UGGT2: variants seen among roughly 807,000 people sequenced by gnomAD.
UGGT2 encodes the protein UDP-glucose:glycoprotein glucosyltransferase 2.
A neutral mutation model predicts 192.1 loss-of-function variants in UGGT2; 180 were observed. The observed-to-expected ratio is 0.94, with a 90% confidence interval of 0.83 to 1.06. The LOEUF (loss-of-function observed/expected upper bound fraction) is 1.06. Among genes scored for constraint, UGGT2 ranks in the 50% least tolerant of loss-of-function variants. The pLI is 0.00. For missense variants in UGGT2, 1,849 were observed against 1,795.7 expected (o/e 1.03, Z -0.54); for synonymous variants, 580 against 591.0 (o/e 0.98, Z 0.27).
intron 30 of UGGT2, among the ~76,000 whole-genome samples, chr13:95,864,399 A>G (rs1890448920): frequency 6.6e-6 from 1 of 152,206 alleles, no homozygotes; most frequent in Non-Finnish European, 1.5e-5. Context: ...ATGACAATGT[A>G]AAGATTAACC....
chr13:96,030,633 A>T (rs1298800872), intron 2 of UGGT2, among the ~76,000 whole-genome samples: 1 of 152,198 alleles, frequency 6.6e-6, no homozygotes, highest in Non-Finnish European at 1.5e-5. Context: ...TTACATTTAC[A>T]CTCAGGAACA....
At chr13:96,044,043 C>T (rs2053238690) in intron 1 of UGGT2, among the ~76,000 whole-genome samples, 1 of 152,072 alleles carries the variant, frequency 6.6e-6, no homozygotes, top group Non-Finnish European at 1.5e-5. Flanking sequence ...ACATTCTACC[C>T]AACAACCACA....
At chr13:96,033,561 C>T (rs951228981) in intron 1 of UGGT2, among the ~76,000 whole-genome samples, 3 of 152,200 alleles carry the variant, frequency 2.0e-5, no homozygotes, top group Admixed American at 6.5e-5. Context: ...TGGACCAACG[C>T]ATCCCTGCAC....
chr13:95,877,926 A>ATCAC, intron 27 of UGGT2, 70 bp from the exon 28 acceptor site: 1 of 1,453,218 alleles, frequency 6.9e-7, no homozygotes, highest in Non-Finnish European at 9.2e-7. Context: ...GAAATAAATA[A>ATCAC]ATGTGATTAT....
intron 17 of UGGT2, among the ~76,000 whole-genome samples, 197 bp from the exon 18 acceptor site, chr13:95,927,533 T>G (rs1338778618): frequency 6.6e-6 from 1 of 151,782 alleles, no homozygotes; most frequent in African/African-American, 2.4e-5. Context: ...TCTCAGGTGT[T>G]GGCAATTTCA....
chr13:96,002,158 C>G (rs1341221635), intron 5 of UGGT2, among the ~76,000 whole-genome samples: 1 of 152,192 alleles, frequency 6.6e-6, no homozygotes, highest in South Asian at 2.1e-4. Flanking sequence ...GTATCTCCCA[C>G]TCCCGTTCCT....
chr13:95,992,379 T>C (rs2051485564), intron 7 of UGGT2, among the ~76,000 whole-genome samples: 1 of 152,202 alleles, frequency 6.6e-6, no homozygotes, highest in African/African-American at 2.4e-5. Flanking sequence ...AGCAGTGTTT[T>C]GTAGTTCTTG....
At chr13:95,920,020 C>A (rs1320653436) in intron 20 of UGGT2, among the ~76,000 whole-genome samples, 1 of 152,064 alleles carries the variant, frequency 6.6e-6, no homozygotes, top group African/African-American at 2.4e-5. Flanking sequence ...ACCAATGGAA[C>A]AGAACAGAGA....
chr13:95,885,599 G>A (rs1170208101), intron 26 of UGGT2, among the ~76,000 whole-genome samples: 1 of 152,144 alleles, frequency 6.6e-6, no homozygotes, highest in Non-Finnish European at 1.5e-5. Flanking sequence ...CAAATCACTA[G>A]GTCTAGCTCT....
At chr13:95,932,591 C>T (rs753226965) in intron 17 of UGGT2, among the ~76,000 whole-genome samples, 1 of 152,038 alleles carries the variant, frequency 6.6e-6, no homozygotes, top group African/African-American at 2.4e-5. Context: ...TTATTTATTG[C>T]TCTTGCCTGA....
At chr13:96,035,728 C>A (rs566055053) in intron 1 of UGGT2, among the ~76,000 whole-genome samples, 3 of 152,072 alleles carry the variant, frequency 2.0e-5, no homozygotes, top group Non-Finnish European at 4.4e-5. Flanking sequence ...AAACAAACGA[C>A]CCCATTAAAA....
chr13:95,912,247 C>A (rs1317728008), intron 20 of UGGT2, among the ~76,000 whole-genome samples: 3 of 152,106 alleles, frequency 2.0e-5, no homozygotes, highest in African/African-American at 7.2e-5. Context: ...GGCAGTCAGG[C>A]AAGAGAAAGA....
At chr13:95,837,254 GA>G in intron 36 of UGGT2, 52 bp from the exon 37 acceptor site, 1 of 1,246,682 alleles carries the variant, frequency 8.0e-7, no homozygotes, top group South Asian at 1.2e-5. Context: ...GAGTCAGAAG[GA>G]AAGAAGCTGA....
At chr13:95,926,239 T>A (rs901611105) in intron 19 of UGGT2, among the ~76,000 whole-genome samples, 2 of 152,156 alleles carry the variant, frequency 1.3e-5, no homozygotes, top group Non-Finnish European at 2.9e-5. Flanking sequence ...TAGACAGTAA[T>A]CCAGGAGCCA....
chr13:96,040,658 AG>A (rs1173660506), intron 1 of UGGT2, among the ~76,000 whole-genome samples: 1 of 152,188 alleles, frequency 6.6e-6, no homozygotes, highest in African/African-American at 2.4e-5. Context: ...AAATACTATA[AG>A]TAAAAAATGC....
Position 95,801,715 on chromosome 13 carries a change from C to A in UGGT2, c.*75G>T. ...TAACGAGACTTCCAAATCGTCTCAGCAGGGGCTCCAGACTTCCCCAGCAGG... is the reference window on the plus strand; with the variant it reads ...TAACGAGACTTCCAAATCGTCTCAGAAGGGGCTCCAGACTTCCCCAGCAGG... On this transcript the variant is annotated 3_prime_UTR_variant, in exon 39 of 39. Transcript: ENST00000376747. 6.6e-7 allele frequency: 1 copy of A among 1,512,708 alleles called. No individual in the cohort carries two copies. Among genetic ancestry groups the A allele is most frequent in the Non-Finnish European group, 9.1e-7 (1 of 1,103,918 alleles). The allele number at this position is 1,512,708 out of a possible 1,614,324, so 93.7% of individuals were successfully genotyped here. A position where few individuals can be genotyped will look rare whatever the true frequency, so the allele number is the denominator to read the frequency against.
chr13:95,821,035 T>C (rs992993766), intron 38 of UGGT2, among the ~76,000 whole-genome samples: 1 of 152,194 alleles, frequency 6.6e-6, no homozygotes, highest in African/African-American at 2.4e-5. Flanking sequence ...AATTGTGAAA[T>C]GTGCTGCTAC....
intron 25 of UGGT2, among the ~76,000 whole-genome samples, chr13:95,890,262 C>G (rs1380661283): frequency 6.6e-6 from 1 of 152,156 alleles, no homozygotes; most frequent in South Asian, 2.1e-4. Context: ...ATATGAAAGA[C>G]ACCTGTATTA....
intron 2 of UGGT2, among the ~76,000 whole-genome samples, chr13:96,028,928 G>A (rs7991413): frequency 0.37 from 56,159 of 151,674 alleles, 10,566 homozygotes; most frequent in Middle Eastern, 0.42. Flanking sequence ...GGCGGATCAC[G>A]AGGTCACGAG....
Sources: gnomAD v4.1 joint callset for allele counts (sites outside exome capture counted in the v4.1 genomes callset) on GRCh38, gnomAD v4.1.1 for gene constraint, MANE v1.5 for transcripts, NCBI Gene and HGNC (gene_info 2026-07-23, HGNC 2026-07-21) for gene names.